Variants in IFI16 observed in about 807,000 individuals in gnomAD.
IFI16 encodes the protein interferon gamma inducible protein 16.
IFI16 carries 49 observed loss-of-function variants against 68.4 expected under a neutral mutation model. The observed-to-expected ratio is 0.72, with a 90% CI of 0.57 to 0.91. The LOEUF (loss-of-function observed/expected upper bound fraction) is 0.91. IFI16 is among the 40% of genes least tolerant of loss of function. The probability of loss-of-function intolerance (pLI) is 0.00; values close to 1 mark genes in which losing one functional copy is unlikely to be tolerated. For synonymous variants in IFI16, 307 were observed against 315.0 expected, an observed-to-expected ratio of 0.97 and a Z score of 0.27; for missense variants, 878 against 942.9, an observed-to-expected ratio of 0.93 and a Z score of 0.90.
chr1:159,009,622 G>A (rs1308682857), upstream of IFI16, among the ~76,000 whole-genome samples: 1 of 152,096 alleles, frequency 6.6e-6, no homozygotes, highest in African/African-American at 2.4e-5. Flanking sequence ...ACTCCTTTCA[G>A]CTATCGAATT....
At chr1:159,050,684 C>G (rs1046271766) in intron 9 of IFI16, among the ~76,000 whole-genome samples, 1 of 152,120 alleles carries the variant, frequency 6.6e-6, no homozygotes. Context: ...TCAGCAGCCC[C>G]TCCAAGTCAA....
chr1:159,042,895 C>T (rs1385936914), intron 7 of IFI16, among the ~76,000 whole-genome samples: 1 of 152,140 alleles, frequency 6.6e-6, no homozygotes, highest in African/African-American at 2.4e-5. Flanking sequence ...GGGGCCTATA[C>T]CCAAGGCAAA....
At chr1:159,024,735 A>C (rs1043685194) in intron 6 of IFI16, among the ~76,000 whole-genome samples, 4 of 152,234 alleles carry the variant, frequency 2.6e-5, no homozygotes, top group Admixed American at 1.3e-4. Context: ...ACAAGCATTA[A>C]AGACAATGGT....
At chr1:159,012,132 T>C (rs1168095812) in intron 1 of IFI16, among the ~76,000 whole-genome samples, 2 of 152,168 alleles carry the variant, frequency 1.3e-5, no homozygotes, top group African/African-American at 2.4e-5. Flanking sequence ...TTAAATATTA[T>C]TTTCAATAGA....
chr1:159,049,991 G>A (rs1235369880), intron 9 of IFI16, among the ~76,000 whole-genome samples: 4 of 152,042 alleles, frequency 2.6e-5, no homozygotes, highest in East Asian at 1.9e-4. Flanking sequence ...ATTTAGGAAA[G>A]GAAGGTACAT....
At chr1:159,028,949 T>C (rs2101860948) in intron 6 of IFI16, among the ~76,000 whole-genome samples, 1 of 152,344 alleles carries the variant, frequency 6.6e-6, no homozygotes, top group South Asian at 2.1e-4. Flanking sequence ...TTTGCTGTTC[T>C]GTATGCTTTA....
At chr1:159,045,235 G>A in intron 7 of IFI16, 62 bp from the exon 8 acceptor site, 4 of 807,368 alleles carry the variant, frequency 5.0e-6, no homozygotes, top group Non-Finnish European at 7.8e-6. Flanking sequence ...GAAAAGATGT[G>A]TTTCATCTGA....
chr1:159,000,812 TG>T (rs1207779833), intron 1 of IFI16, among the ~76,000 whole-genome samples: 5 of 152,124 alleles, frequency 3.3e-5, no homozygotes, highest in Non-Finnish European at 7.4e-5. Context: ...GCTTGGCTCA[TG>T]GGGGTGGATC....
chr1:159,018,615 A>G lies in IFI16; in HGVS notation c.936A>G (p.Ser312=). ...LKIDILHKQA[S]GNIVYGVFML... is the part of the protein sequence containing the mutation. ...TTGATATTCTTCACAAACAAGCTTC[A>G]GGAAATATTGTATATGGGGTATTTA... The change falls in exon 5 of 12, where the codon TCA becomes TCG. Residue 312 remains serine (S), a synonymous_variant. Transcript: ENST00000295809. The G allele has an allele frequency of 6.2e-7, 1 of 1,613,248 alleles. No individual in the cohort carries two copies. Among genetic ancestry groups the G allele is most frequent in the Non-Finnish European group, 8.5e-7 (1 of 1,179,580 alleles).
At chr1:159,015,802 G>T in intron 2 of IFI16, 70 bp from the exon 3 acceptor site, 1 of 1,122,508 alleles carries the variant, frequency 8.9e-7, no homozygotes. Context: ...AACTGCTTCA[G>T]CTGTCGGAGA....
At chr1:159,007,312 T>C (rs917712359), upstream of IFI16, among the ~76,000 whole-genome samples, 4 of 152,236 alleles carry the variant, frequency 2.6e-5, no homozygotes, top group Non-Finnish European at 4.4e-5. Flanking sequence ...ACAATGCCCT[T>C]GTGCTAATAT....
upstream of IFI16, among the ~76,000 whole-genome samples, chr1:159,007,409 A>G (rs1021194020): frequency 6.6e-6 from 1 of 152,222 alleles, no homozygotes; most frequent in Non-Finnish European, 1.5e-5. Context: ...CTAAAGAAAA[A>G]AATATGTGTA....
At chr1:159,012,253 T>C (rs1652614300) in intron 1 of IFI16, among the ~76,000 whole-genome samples, 1 of 152,208 alleles carries the variant, frequency 6.6e-6, no homozygotes, top group African/African-American at 2.4e-5. Context: ...AAATTAAAAC[T>C]CTAAAATGTA....
At chr1:159,010,661 T>C (rs1652491826) in intron 1 of IFI16, among the ~76,000 whole-genome samples, 1 of 152,208 alleles carries the variant, frequency 6.6e-6, no homozygotes, top group Non-Finnish European at 1.5e-5. Context: ...TTTTTTCAGT[T>C]TCACAAACAC....
chr1:159,043,949 T>C (rs1654821566), intron 7 of IFI16, among the ~76,000 whole-genome samples: 2 of 152,248 alleles, frequency 1.3e-5, no homozygotes, highest in African/African-American at 4.8e-5. Flanking sequence ...TCTCCTATTA[T>C]GCTTCCTATA....
At chr1:159,050,497 A>G (rs1261134465) in intron 9 of IFI16, among the ~76,000 whole-genome samples, 1 of 152,160 alleles carries the variant, frequency 6.6e-6, no homozygotes, top group Non-Finnish European at 1.5e-5. Flanking sequence ...AATTGGCCAC[A>G]TTGATGAGTT....
At chr1:159,020,597 A>C in intron 6 of IFI16, 68 bp downstream of exon 6, 1 of 1,221,400 alleles carries the variant, frequency 8.2e-7, no homozygotes, top group Non-Finnish European at 1.2e-6. Flanking sequence ...TTTGGCAAAA[A>C]CAAGTTTGTA....
At chr1:159,021,463 C>T (rs180718646) in intron 6 of IFI16, among the ~76,000 whole-genome samples, 137 of 152,274 alleles carry the variant, frequency 9.0e-4, no homozygotes, top group African/African-American at 3.1e-3. Context: ...TAGTATTCCA[C>T]GGTGTATACA....
At chr1:159,039,806 T>G (rs1654518912) in intron 7 of IFI16, among the ~76,000 whole-genome samples, 1 of 152,102 alleles carries the variant, frequency 6.6e-6, no homozygotes, top group South Asian at 2.1e-4. Flanking sequence ...CCTCCAGGAG[T>G]GAGCCATCCT....
Sources: allele counts gnomAD v4.1 joint callset (sites outside exome capture counted in the v4.1 genomes callset), GRCh38; gene constraint gnomAD v4.1.1; transcripts MANE v1.5; gene names NCBI Gene and HGNC (gene_info 2026-07-23, HGNC 2026-07-21).